FAM117B: variants seen among roughly 807,000 people sequenced by gnomAD.
FAM117B encodes family with sequence similarity 117 member B.
In FAM117B, 22 loss-of-function variants were observed where a neutral mutation model predicts 52.8. That is an observed-to-expected ratio of 0.42 (90% confidence interval 0.30 to 0.59). The LOEUF is 0.59. Among genes scored for constraint, FAM117B ranks in the 20% least tolerant of loss-of-function variants. The probability of loss-of-function intolerance (pLI) is 0.22; values close to 1 mark genes in which losing one functional copy is unlikely to be tolerated. For missense variants in FAM117B, 678 were observed against 802.6 expected (o/e 0.84, Z 1.88); for synonymous variants, 309 against 324.1 (o/e 0.95, Z 0.50).
chr2:202,762,379 A>G (rs1691903951), intron 7 of FAM117B, among the ~76,000 whole-genome samples: 1 of 152,208 alleles, frequency 6.6e-6, no homozygotes, highest in East Asian at 1.9e-4. Context: ...TTTTGATAAC[A>G]GCACATACCA....
Position 202,635,297 on chromosome 2 carries a change from C to T in FAM117B, c.110C>T (p.Ala37Val). Residue 37 changes from alanine (A) to valine (V), a missense_variant, in exon 1 of 8, where the codon GCG becomes GTG. Physicochemically the swap from Ala to Val is moderately conservative, Grantham distance 64. This residue lies in a region of FAM117B where 583 missense variants were observed against 644.8 expected (regional missense o/e 0.90). Coordinates refer to ENST00000392238, the MANE Select transcript of FAM117B (RefSeq NM_173511.4). ...GGGAGCCGCTTGCAGCCCATGAGGG[C>T]GACGGTTCCGTTCCAGCTGAAGCAG... Reference protein sequence around the residue: ...GPGSRLQPMRATVPFQLKQQQ... With the variant: ...GPGSRLQPMRVTVPFQLKQQQ... The T allele has an allele frequency of 7.0e-7, 1 of 1,418,892 alleles. No homozygotes were observed. The highest frequency in any genetic ancestry group is 1.4e-5 in the South Asian group (1 of 69,870). The allele number at this position is 1,418,892 out of a possible 1,614,324, so 87.9% of individuals were successfully genotyped here.
chr2:202,733,980 G>A (rs774879614), intron 4 of FAM117B, among the ~76,000 whole-genome samples: 28 of 152,282 alleles, frequency 1.8e-4, no homozygotes, highest in Non-Finnish European at 4.0e-4. Flanking sequence ...ACAGGCATAA[G>A]AAATTATAAA....
chr2:202,684,197 G>A (rs1690503761), intron 1 of FAM117B, among the ~76,000 whole-genome samples: 1 of 152,064 alleles, frequency 6.6e-6, no homozygotes, highest in African/African-American at 2.4e-5. Flanking sequence ...TTAGCAAGTT[G>A]AATCCAGCAG....
At position 202,635,317 on chromosome 2, in the gene FAM117B, AAGC is replaced by A. The variant is rs567562707; in HGVS notation, c.147_149del (p.Gln50del). 3.5e-4 allele frequency: 497 copies of A among 1,401,790 alleles called. No individual in the cohort carries two copies. Among genetic ancestry groups the A allele is most frequent in the South Asian group, 1.3e-3 (86 of 68,022 alleles). 86.8% of individuals were successfully genotyped at this position (1,401,790 alleles called of 1,614,324 possible). A position where few individuals can be genotyped will look rare whatever the true frequency, so the allele number is the denominator to read the frequency against. On this transcript the variant is annotated inframe_deletion, in exon 1 of 8. Transcript: ENST00000392238. ...GAGGGCGACGGTTCCGTTCCAGCTG[AAGC>A]AGCAGCAGCAGCAGCAACATGGCAG... is the stretch of plus-strand genomic sequence containing the variant.
chr2:202,750,325 A>G (rs1176817521), intron 4 of FAM117B, among the ~76,000 whole-genome samples: 1 of 152,214 alleles, frequency 6.6e-6, no homozygotes, highest in Non-Finnish European at 1.5e-5. Flanking sequence ...AGCCTGGGCA[A>G]CATGGTAAAA....
At chr2:202,757,471 T>G in intron 6 of FAM117B, 33 bp downstream of exon 6, 1 of 1,576,276 alleles carries the variant, frequency 6.3e-7, no homozygotes, top group Non-Finnish European at 8.7e-7. Context: ...TACTAGATGA[T>G]AATGGAATAC....
chr2:202,660,287 A>G (rs140018223), intron 1 of FAM117B, among the ~76,000 whole-genome samples: 49 of 152,036 alleles, frequency 3.2e-4, no homozygotes, highest in African/African-American at 8.7e-4. Context: ...GTCCTATTTA[A>G]GGCACCTGGA....
intron 2 of FAM117B, among the ~76,000 whole-genome samples, chr2:202,722,985 G>A (rs1574569716): frequency 6.6e-6 from 1 of 152,190 alleles, no homozygotes. Flanking sequence ...TAAAGAGCCT[G>A]TGGATCCTAA....
chr2:202,761,504 T>C (rs768592964), intron 7 of FAM117B, among the ~76,000 whole-genome samples: 1 of 151,978 alleles, frequency 6.6e-6, no homozygotes, highest in Non-Finnish European at 1.5e-5. Flanking sequence ...ATTACATGGT[T>C]GGGTTTTTTG....
rs768038523 is a variant in FAM117B, at chr2:202,741,197, G to A, written c.961-14341G>A. ...AGCACTTTGGGAGGCTAAGGCAGGC[G>A]GATCACGAGGTCAGGAGATCAAGAC... On this transcript the variant is annotated intron_variant, in intron 4 of 7. Transcript: ENST00000392238. Among the ~76,000 whole-genome samples, 12 of 151,928 alleles carry A rather than the reference G, an allele frequency of 7.9e-5. 1 individual carries two copies. In the South Asian group the frequency reaches 1.5e-3, roughly 18 times the overall value.
intron 2 of FAM117B, among the ~76,000 whole-genome samples, chr2:202,701,150 C>G (rs1184499292): frequency 6.6e-6 from 1 of 152,222 alleles, no homozygotes; most frequent in Non-Finnish European, 1.5e-5. Context: ...GAAGCCAGTA[C>G]TCATTTACCA....
intron 1 of FAM117B, among the ~76,000 whole-genome samples, chr2:202,686,187 G>A (rs1362270134): frequency 1.3e-5 from 2 of 152,146 alleles, no homozygotes; most frequent in Non-Finnish European, 2.9e-5. Flanking sequence ...TTGGTACTGG[G>A]GAGATGCTAA....
chr2:202,653,070 C>A (rs1689979785), intron 1 of FAM117B, among the ~76,000 whole-genome samples: 1 of 152,088 alleles, frequency 6.6e-6, no homozygotes, highest in African/African-American at 2.4e-5. Context: ...TTTTCGAGAC[C>A]AGCCTAGGCA....
At chr2:202,755,460 T>C (rs1574305687) in intron 4 of FAM117B, 78 bp from the exon 5 acceptor site, 11 of 1,532,722 alleles carry the variant, frequency 7.2e-6, no homozygotes, top group South Asian at 1.2e-5. Context: ...GAGTTACTTA[T>C]GTCTGTTGGA....
chr2:202,635,910 G>A lies in FAM117B; in HGVS notation c.601+122G>A, dbSNP rs971974557. The stretch of plus-strand genomic sequence containing the variant: ...AGCCCGGGTGGCTGGGGGCGGGGCT[G>A]GGGGCGGTGCCGGGCGGTGGGGGAC... On this transcript the variant is annotated intron_variant, in intron 1 of 7. Coordinates refer to ENST00000392238, the MANE Select transcript of FAM117B (RefSeq NM_173511.4). 617 of 1,085,584 alleles carry A rather than the reference G, an allele frequency of 5.7e-4. 3 individuals carry two copies. Among genetic ancestry groups the A allele is most frequent in the Non-Finnish European group, 3.4e-4 (307 of 893,626 alleles). The allele number at this position is 1,085,584 out of a possible 1,614,324, so 67.2% of individuals were successfully genotyped here. A position where few individuals can be genotyped will look rare whatever the true frequency, so the allele number is the denominator to read the frequency against.
chr2:202,654,867 T>A (rs761606766), intron 1 of FAM117B, among the ~76,000 whole-genome samples: 7 of 152,056 alleles, frequency 4.6e-5, no homozygotes, highest in Non-Finnish European at 7.4e-5. Flanking sequence ...CTTTTTCTCT[T>A]TACAAATTAC....
At chr2:202,748,864 T>A (rs1691678689) in intron 4 of FAM117B, among the ~76,000 whole-genome samples, 1 of 151,948 alleles carries the variant, frequency 6.6e-6, no homozygotes, top group South Asian at 2.1e-4. Flanking sequence ...TCGTAGCCAC[T>A]CTCGGTAGCC....
rs1464946394 is a variant in FAM117B at position 202,730,377 on chromosome 2, A to T, written c.960+4014A>T. On this transcript the variant is annotated intron_variant, in intron 4 of 7. Transcript: ENST00000392238. ...GATGATGTCAATTTTAACTTTTAAA[A>T]TATGATTTAAGGCCGGCCGTGGTGG... Among the ~76,000 whole-genome samples the T allele has an allele frequency of 3.3e-5, 5 of 152,278 alleles. No individual in the cohort carries two copies. The East Asian group carries it at 7.7e-4, about 23-fold the overall frequency.
intron 2 of FAM117B, among the ~76,000 whole-genome samples, chr2:202,711,484 A>T (rs1407303623): frequency 6.6e-6 from 1 of 152,078 alleles, no homozygotes; most frequent in Non-Finnish European, 1.5e-5. Context: ...ATTTTCTCCC[A>T]TTCTTTGGGT....
Sources: gnomAD v4.1 joint callset for allele counts (sites outside exome capture counted in the v4.1 genomes callset) on GRCh38, gnomAD v4.1.1 for gene constraint, gnomAD v4.1.1 regional missense constraint, MANE v1.5 for transcripts, NCBI Gene and HGNC (gene_info 2026-07-23, HGNC 2026-07-21) for gene names.